ABCB9: variants seen among roughly 807,000 people sequenced by gnomAD.
ABCB9 encodes the protein ABC-type oligopeptide transporter ABCB9.
Under a neutral mutation model 62.0 loss-of-function variants are expected in ABCB9, and 36 were observed. The observed-to-expected ratio is 0.58, with a 90% CI of 0.45 to 0.77. ABCB9 has a LOEUF of 0.77. ABCB9 is among the 30% of genes least tolerant of loss of function. The pLI, the probability that ABCB9 is intolerant of heterozygous loss-of-function variation, is 0.00. For synonymous variants in ABCB9, 435 were observed against 461.4 expected (o/e 0.94, Z 0.73); for missense variants, 943 against 1,054.7 (o/e 0.89, Z 1.47).
rs1486236710 is a variant in ABCB9, at chr12:122,959,093, T to C, written c.601+542A>G. Among the ~76,000 whole-genome samples, 1 of 149,538 alleles carries C rather than the reference T, an allele frequency of 6.7e-6. No homozygotes were observed. The highest frequency in any genetic ancestry group is 1.5e-5 in the Non-Finnish European group (1 of 67,512). On this transcript the variant is annotated intron_variant, in intron 2 of 11. Transcript: ENST00000280560. This position sits in a 1 kb window ranked among gnomAD's most constrained non-coding sequence, Gnocchi z 5.4. ...TGGGGCAGGCACCGTGGCTCACGCC[T>C]GTAATCCCAGCACTTTGGGAGGCCG...
intron 7 of ABCB9, 134 bp from the exon 8 acceptor site, chr12:122,941,129 C>A: frequency 1.1e-6 from 1 of 880,390 alleles, no homozygotes; most frequent in Non-Finnish European, 1.7e-6. Flanking sequence ...ACCTGACCAC[C>A]CACTGGTGCA....
Position 122,960,050 on chromosome 12 carries a change from C to G in ABCB9, c.186G>C (p.Leu62=), listed in dbSNP as rs750237345. 1 of 1,613,490 alleles carries G rather than the reference C, an allele frequency of 6.2e-7. No homozygotes were observed. The highest frequency in any genetic ancestry group is 8.5e-7 in the Non-Finnish European group (1 of 1,180,036). The change falls in exon 2 of 12, where the codon CTG becomes CTC. Residue 62 remains leucine, a synonymous_variant. Coordinates refer to ENST00000280560, the MANE Select transcript of ABCB9 (RefSeq NM_019625.4). ...AACLYRSCLL[L]GATIGVAKNS... ...TCTTGGCCACACCAATGGTGGCTCC[C>G]AGCAGCAGGCAGCTGCGGTACAGGC...
chr12:122,952,238 CT>C (rs1380064720), intron 2 of ABCB9: 1 of 152,316 alleles, frequency 6.6e-6, no homozygotes, highest in African/African-American at 2.4e-5. Context: ...AGAAATGAGA[CT>C]CCCCCGACAA....
chr12:122,963,329 C>T (rs2037012526), intron 1 of ABCB9, among the ~76,000 whole-genome samples: 1 of 152,098 alleles, frequency 6.6e-6, no homozygotes, highest in African/African-American at 2.4e-5. Flanking sequence ...GAAAAGGGTC[C>T]CCAGCAGAGG....
Position 122,950,672 on chromosome 12 carries a change from G to T in ABCB9, c.602-107C>A. The stretch of plus-strand genomic sequence containing the variant: ...CACCAACCCCTCTGCCCACTCCACC[G>T]GTGGGCTTTCCTCCCTCGGCAAACT... On this transcript the variant is annotated intron_variant, in intron 2 of 11. Transcript: ENST00000280560. The T allele has an allele frequency of 1.0e-5, 9 of 903,108 alleles. 1 individual carries two copies. In the South Asian group the frequency reaches 1.5e-4, roughly 15 times the overall value. The allele number at this position is 903,108 out of a possible 1,614,324, so 55.9% of individuals were successfully genotyped here. A position where few individuals can be genotyped will look rare whatever the true frequency, so the allele number is the denominator to read the frequency against.
At chr12:122,975,052 C>A in exon 1 of ABCB9, 1 of 463,000 alleles carries the variant, frequency 2.2e-6, no homozygotes, top group Non-Finnish European at 3.9e-6. Context: ...AACTGGGAGG[C>A]GGAACGAGGA....
chr12:122,956,573 T>C (rs1188393592), intron 2 of ABCB9, among the ~76,000 whole-genome samples: 1 of 152,238 alleles, frequency 6.6e-6, no homozygotes, highest in Non-Finnish European at 1.5e-5. Context: ...CAGGCTGGAG[T>C]GCAGTTGTGT....
chr12:122,969,075 G>A (rs2037241174), upstream of ABCB9, among the ~76,000 whole-genome samples: 1 of 152,130 alleles, frequency 6.6e-6, no homozygotes, highest in African/African-American at 2.4e-5. Flanking sequence ...AATGTCAGGT[G>A]CACTGCAGGA....
Position 122,964,054 on chromosome 12 carries a change from C to T in ABCB9, c.-88+2233G>A, listed in dbSNP as rs1033247430. Among the ~76,000 whole-genome samples the T allele has an allele frequency of 1.3e-5, 2 of 152,202 alleles. No homozygotes were observed. Among genetic ancestry groups the T allele is most frequent in the Non-Finnish European group, 2.9e-5 (2 of 68,028 alleles). On this transcript the variant is annotated intron_variant, in intron 1 of 11. Coordinates refer to ENST00000280560, the MANE Select transcript of ABCB9 (RefSeq NM_019625.4). This position sits in a 1 kb window ranked among gnomAD's most constrained non-coding sequence, Gnocchi z 4.7. ...CTGGTGCCATTCCAGGCCTCCCAGC[C>T]AAGCCACTGCCGGCTGCACCAGGTG...
upstream of ABCB9, among the ~76,000 whole-genome samples, chr12:122,967,616 G>A (rs1347500573): frequency 6.6e-6 from 1 of 152,192 alleles, no homozygotes; most frequent in Admixed American, 6.6e-5. Flanking sequence ...AGCTTCCCAG[G>A]TAGATGGGAT....
downstream of ABCB9, among the ~76,000 whole-genome samples, chr12:122,920,247 C>T: frequency 6.6e-6 from 1 of 151,984 alleles, no homozygotes; most frequent in East Asian, 1.9e-4. Flanking sequence ...GAAAGAGAAA[C>T]CATTGGCGAT....
intron 1 of ABCB9, chr12:122,974,499 G>A (rs756250737): frequency 6.6e-6 from 1 of 152,234 alleles, no homozygotes; most frequent in Non-Finnish European, 1.5e-5. Flanking sequence ...TCTGTAAGAC[G>A]GTGATATAAT....
In ABCB9 at chr12:122,947,458, G is replaced by T; in HGVS notation, c.1053+1166C>A. On this transcript the variant is annotated intron_variant, in intron 5 of 11. Transcript: ENST00000280560. This position sits in a 1 kb window ranked among gnomAD's most constrained non-coding sequence, Gnocchi z 6.0. ...CACCAACACCAAAGGCTCCAATGGA[G>T]CTGCGACAATGACTTACCCGGCACC... 1 of 454,212 alleles carries T rather than the reference G, an allele frequency of 2.2e-6. No homozygotes were observed. Among genetic ancestry groups the T allele is most frequent in the South Asian group, 1.6e-5 (1 of 64,396 alleles). 28.1% of individuals were successfully genotyped at this position (454,212 alleles called of 1,614,324 possible).
chr12:122,940,655 G>A lies in ABCB9; in HGVS notation c.1569+152C>T, dbSNP rs2035707522. On this transcript the variant is annotated intron_variant, in intron 8 of 11. Coordinates refer to ENST00000280560, the MANE Select transcript of ABCB9 (RefSeq NM_019625.4). The surrounding 1 kb of genome is among the most constrained non-coding windows in gnomAD (Gnocchi z 4.8). ...TCGGGAATCATTCTGTTAAGTATCT[G>A]TCTTCCCCAACTGGAGCCCAAAACT... The A allele has an allele frequency of 3.2e-6, 3 of 934,186 alleles. No individual in the cohort carries two copies. The highest frequency in any genetic ancestry group is 4.7e-6 in the Non-Finnish European group (3 of 644,852). The allele number at this position is 934,186 out of a possible 1,614,324, so 57.9% of individuals were successfully genotyped here.
At chr12:122,973,003 C>G (rs926480208) in intron 1 of ABCB9, 3 of 152,240 alleles carry the variant, frequency 2.0e-5, no homozygotes, top group Non-Finnish European at 2.9e-5. Context: ...TTCCTGTACC[C>G]ACCTCACTTT....
chr12:122,944,545 G>A lies in ABCB9; in HGVS notation c.1252-26C>T, dbSNP rs373401996. Reference sequence around the variant, plus strand: ...CTGGGGCAGAGGGAGAGGGGATGTGGGTCGAGGGGACCTTAGATCCCCCAC... The same window carrying A: ...CTGGGGCAGAGGGAGAGGGGATGTGAGTCGAGGGGACCTTAGATCCCCCAC... On this transcript the variant is annotated intron_variant, in intron 6 of 11. Transcript: ENST00000280560. The surrounding 1 kb of genome is among the most constrained non-coding windows in gnomAD (Gnocchi z 4.9). 1 of 1,611,626 alleles carries A rather than the reference G, an allele frequency of 6.2e-7. No homozygotes were observed. The highest frequency in any genetic ancestry group is 1.3e-5 in the African/African-American group (1 of 74,888).
downstream of ABCB9, chr12:122,924,712 C>G: frequency 6.5e-7 from 1 of 1,531,176 alleles, no homozygotes; most frequent in Non-Finnish European, 8.7e-7. Flanking sequence ...TCTTCATTCT[C>G]TCTCATCCCT....
chr12:122,945,451 A>G (rs970503242), intron 6 of ABCB9, among the ~76,000 whole-genome samples: 14 of 152,086 alleles, frequency 9.2e-5, no homozygotes, highest in African/African-American at 3.4e-4. Context: ...CTGTGACATG[A>G]GACCTGCCCG....
At chr12:122,941,072 C>T (rs1157857084) in intron 7 of ABCB9, 77 bp from the exon 8 acceptor site, 15 of 1,454,534 alleles carry the variant, frequency 1.0e-5, no homozygotes, top group South Asian at 1.4e-5. Context: ...AGAGAGGAGG[C>T]AGGTATAGGG....
Sources: allele counts gnomAD v4.1 joint callset (sites outside exome capture counted in the v4.1 genomes callset), GRCh38; gene constraint gnomAD v4.1.1; non-coding constraint Gnocchi (gnomAD v3.1); transcripts MANE v1.5; gene names NCBI Gene and HGNC (gene_info 2026-07-23, HGNC 2026-07-21).